The following RTN4RL1 variants were observed in gnomAD, a reference collection of about 807,000 sequenced individuals.
The protein encoded by RTN4RL1 is reticulon-4 receptor-like 1.
A neutral mutation model predicts 25.6 loss-of-function variants in RTN4RL1; 7 were observed. The ratio of observed to expected loss-of-function variants is 0.27; its 90% CI spans 0.16 to 0.51. The LOEUF is 0.51. Among genes scored for constraint, RTN4RL1 ranks in the 20% least tolerant of loss-of-function variants. RTN4RL1 has a pLI of 0.97. For missense variants in RTN4RL1, 500 were observed against 615.6 expected (o/e 0.81, Z 1.99); for synonymous variants, 297 against 288.2 (o/e 1.03, Z -0.31).
rs1555519892 is a variant in RTN4RL1 at position 1,988,417 on chromosome 17, A to AG, written c.13+36435_13+36436insC. The stretch of plus-strand genomic sequence containing the variant: ...AGACTCCGCCTCAAAAAAAAAAAAA[A>AG]AAAAGAAAAGAAAAGAAGGAGCCAC... On this transcript the variant is annotated intron_variant, in intron 1 of 1. Coordinates refer to ENST00000331238, the MANE Select transcript of RTN4RL1 (RefSeq NM_178568.4). Among the ~76,000 whole-genome samples the AG allele has an allele frequency of 5.1e-3, 758 of 148,538 alleles. 10 individuals carry two copies. Among genetic ancestry groups the AG allele is most frequent in the African/African-American group, 0.018 (710 of 39,914 alleles).
At chr17:1,952,845 G>C (rs1597492054) in intron 1 of RTN4RL1, among the ~76,000 whole-genome samples, 1 of 151,578 alleles carries the variant, frequency 6.6e-6, no homozygotes, top group Admixed American at 6.6e-5. Context: ...GGGAGGCTGA[G>C]GGGGGTTGAT....
intron 1 of RTN4RL1, among the ~76,000 whole-genome samples, chr17:2,012,585 C>T (rs1197517955): frequency 1.3e-5 from 2 of 151,340 alleles, no homozygotes; most frequent in South Asian, 2.1e-4. Flanking sequence ...TCTTTTTCTC[C>T]TTCTCTCTCT....
At chr17:1,961,926 C>A (rs1211706542) in intron 1 of RTN4RL1, among the ~76,000 whole-genome samples, 2 of 144,316 alleles carry the variant, frequency 1.4e-5, no homozygotes, top group African/African-American at 2.6e-5. Flanking sequence ...CCAGCCTGGG[C>A]TACAGAGCGA....
rs556828282 is a variant in RTN4RL1, at chr17:2,010,974, G to A, written c.13+13879C>T. On this transcript the variant is annotated intron_variant, in intron 1 of 1. Coordinates refer to ENST00000331238, the MANE Select transcript of RTN4RL1 (RefSeq NM_178568.4). Reference sequence around the variant, plus strand: ...GTTGTTAAATAAACGTTTGTCGGCCGGGCGCGGTAGCTCACACCTGTAATC... The same window carrying A: ...GTTGTTAAATAAACGTTTGTCGGCCAGGCGCGGTAGCTCACACCTGTAATC... Among the ~76,000 whole-genome samples, 10 of 152,224 alleles carry A rather than the reference G, an allele frequency of 6.6e-5. No homozygotes were observed. The South Asian group carries it at 1.9e-3, about 28-fold the overall frequency.
chr17:1,965,407 C>A (rs1362238254), intron 1 of RTN4RL1, among the ~76,000 whole-genome samples: 1 of 152,204 alleles, frequency 6.6e-6, no homozygotes, highest in African/African-American at 2.4e-5. Flanking sequence ...CCACTGCGCC[C>A]AGTCCAGTTT....
chr17:1,977,724 A>C (rs1025153150), intron 1 of RTN4RL1, among the ~76,000 whole-genome samples: 1 of 152,132 alleles, frequency 6.6e-6, no homozygotes, highest in East Asian at 1.9e-4. Context: ...AGCAGCCAGC[A>C]GATTAAAAAC....
intron 1 of RTN4RL1, among the ~76,000 whole-genome samples, chr17:2,017,056 G>A (rs759210415): frequency 2.0e-4 from 31 of 152,216 alleles, no homozygotes; most frequent in Admixed American, 7.8e-4. Context: ...TCATCCTATC[G>A]CCGTATAAAT....
chr17:1,935,018 C>G lies in RTN4RL1; in HGVS notation c.*1478G>C, dbSNP rs1436236190. ...GGTTCATGAAATGCCCTCATTGTTC[C>G]CCTTCTGCTAAGGCCCCCGACGCCT... On this transcript the variant is annotated 3_prime_UTR_variant, in exon 2 of 2. Coordinates refer to ENST00000331238, the MANE Select transcript of RTN4RL1 (RefSeq NM_178568.4). The G allele has an allele frequency of 2.4e-4, 34 of 141,996 alleles. No individual in the cohort carries two copies. The highest frequency in any genetic ancestry group is 2.4e-3 in the Admixed American group (34 of 14,444). The allele number at this position is 141,996 out of a possible 1,614,324, so 8.8% of individuals were successfully genotyped here.
chr17:1,974,724 A>AG (rs368047831), intron 1 of RTN4RL1, among the ~76,000 whole-genome samples: 1 of 118,654 alleles, frequency 8.4e-6, no homozygotes. Context: ...GGGGGTGGGG[A>AG]GGGGGGAGGG....
chr17:1,977,818 T>C (rs919698714), intron 1 of RTN4RL1, among the ~76,000 whole-genome samples: 1 of 151,874 alleles, frequency 6.6e-6, no homozygotes, highest in Non-Finnish European at 1.5e-5. Context: ...CGAGCGGCGC[T>C]CCCGGGAGCC....
intron 1 of RTN4RL1, chr17:2,018,874 T>G (rs2067162077): frequency 1.3e-5 from 2 of 152,356 alleles, no homozygotes; most frequent in Non-Finnish European, 2.9e-5. Flanking sequence ...TGGCAGCATG[T>G]GGACAGTGAC....
At chr17:1,988,730 G>A (rs1403600099) in intron 1 of RTN4RL1, among the ~76,000 whole-genome samples, 2 of 152,096 alleles carry the variant, frequency 1.3e-5, no homozygotes, top group Non-Finnish European at 2.9e-5. Flanking sequence ...ACCTCGTCTG[G>A]AAGGCTCAGG....
chr17:2,003,747 C>T (rs951897811), intron 1 of RTN4RL1: 3 of 152,488 alleles, frequency 2.0e-5, no homozygotes, highest in East Asian at 1.9e-4. Context: ...CCGAGCAGAC[C>T]AGCATTAACT....
At chr17:1,949,549 G>A (rs1028826120) in intron 1 of RTN4RL1, among the ~76,000 whole-genome samples, 2 of 152,166 alleles carry the variant, frequency 1.3e-5, no homozygotes, top group African/African-American at 4.8e-5. Context: ...CCCCTTCCCT[G>A]CGATCAGTGA....
In RTN4RL1 at chr17:2,025,188, G is replaced by C. The variant is rs969063695; in HGVS notation, c.-323C>G. 6 of 244,034 alleles carry C rather than the reference G, an allele frequency of 2.5e-5. No individual in the cohort carries two copies. The Admixed American group carries it at 2.8e-4, about 11-fold the overall frequency. 15.1% of individuals were successfully genotyped at this position (244,034 alleles called of 1,614,324 possible). ...GCACTTCGCAGGCGGTTTTGAGGGG[G>C]GACGCCGCCCCCTGGCCGGCCGGCC... On this transcript the variant is annotated 5_prime_UTR_variant, in exon 1 of 2. Coordinates refer to ENST00000331238, the MANE Select transcript of RTN4RL1 (RefSeq NM_178568.4). This position sits in a 1 kb window ranked among gnomAD's most constrained non-coding sequence, Gnocchi z 4.8.
intron 1 of RTN4RL1, among the ~76,000 whole-genome samples, chr17:1,981,809 G>A (rs1208992427): frequency 1.3e-5 from 2 of 152,242 alleles, no homozygotes; most frequent in Non-Finnish European, 2.9e-5. Context: ...CTTAATGACA[G>A]GGTGTGTTCT....
intron 1 of RTN4RL1, among the ~76,000 whole-genome samples, chr17:1,951,521 G>A (rs943405095): frequency 1.0e-3 from 154 of 151,640 alleles, no homozygotes; most frequent in African/African-American, 3.4e-3. Flanking sequence ...GTGCGATCTC[G>A]GCTCACTGCA....
At chr17:1,999,454 TAA>T (rs1366600169) in intron 1 of RTN4RL1, among the ~76,000 whole-genome samples, 159 of 90,424 alleles carry the variant, frequency 1.8e-3, no homozygotes, top group African/African-American at 5.6e-3. Flanking sequence ...TCGAAAAAAA[TAA>T]AACACACACA....
At chr17:2,024,295 G>C (rs2067246722) in intron 1 of RTN4RL1, among the ~76,000 whole-genome samples, 1 of 152,188 alleles carries the variant, frequency 6.6e-6, no homozygotes. Flanking sequence ...GGCGCTGGCC[G>C]CTCCCCACCC....
Sources: allele counts gnomAD v4.1 joint callset (sites outside exome capture counted in the v4.1 genomes callset), GRCh38; gene constraint gnomAD v4.1.1; non-coding constraint Gnocchi (gnomAD v3.1); transcripts MANE v1.5; gene names NCBI Gene and HGNC (gene_info 2026-07-23, HGNC 2026-07-21).